The following DOCK4 variants were observed in gnomAD, a reference collection of about 807,000 sequenced individuals.
DOCK4 encodes the protein dedicator of cytokinesis 4, also known as dedicator of cytokinesis protein 4.
A neutral mutation model predicts 268.1 loss-of-function variants in DOCK4; 97 were observed. The observed-to-expected ratio is 0.36, with a 90% CI of 0.31 to 0.43. The LOEUF (loss-of-function observed/expected upper bound fraction) is 0.43, where lower values mean the gene tolerates loss of function less well. Among genes scored for constraint, DOCK4 ranks in the 20% least tolerant of loss-of-function variants. The probability of loss-of-function intolerance (pLI) is 1.00; values close to 1 mark genes in which losing one functional copy is unlikely to be tolerated. For synonymous variants in DOCK4, 954 were observed against 887.2 expected (o/e 1.08, Z -1.34); for missense variants, 2,145 against 2,455.7 (o/e 0.87, Z 2.67).
chr7:111,766,936 T>G lies in DOCK4; in HGVS notation c.3915+96A>C, dbSNP rs1013382092. Reference sequence around the variant, plus strand: ...CAGAGGATTTATCTTAAAAAGGGTTTCTGCAAGACCACAAAGTTAATTTCA... The same window carrying G: ...CAGAGGATTTATCTTAAAAAGGGTTGCTGCAAGACCACAAAGTTAATTTCA... On this transcript the variant is annotated intron_variant, in intron 38 of 52. Transcript: ENST00000428084. 5 of 913,436 alleles carry G rather than the reference T, an allele frequency of 5.5e-6. No individual in the cohort carries two copies. In the African/African-American group the frequency reaches 6.7e-5, roughly 12 times the overall value. 56.6% of individuals were successfully genotyped at this position (913,436 alleles called of 1,614,324 possible). A position where few individuals can be genotyped will look rare whatever the true frequency, so the allele number is the denominator to read the frequency against.
intron 1 of DOCK4, among the ~76,000 whole-genome samples, chr7:112,181,638 T>TAAAAAAAA (rs1819047377): frequency 7.6e-5 from 1 of 13,224 alleles, no homozygotes; most frequent in Non-Finnish European, 1.5e-4. Flanking sequence ...AGACACTGTC[T>TAAAAAAAA]CAAAAAAAAA....
intron 8 of DOCK4, among the ~76,000 whole-genome samples, chr7:111,960,892 G>A (rs959941740): frequency 6.6e-6 from 1 of 152,130 alleles, no homozygotes; most frequent in Non-Finnish European, 1.5e-5. Flanking sequence ...GTATTCCAAA[G>A]TGTATATATA....
chr7:112,040,186 C>G (rs1160684074), intron 1 of DOCK4, among the ~76,000 whole-genome samples: 1 of 152,112 alleles, frequency 6.6e-6, no homozygotes, highest in African/African-American at 2.4e-5. Context: ...GATTCTCAAG[C>G]AGTAGAGATT....
intron 36 of DOCK4, among the ~76,000 whole-genome samples, chr7:111,775,638 A>G (rs918769629): frequency 7.9e-5 from 12 of 152,222 alleles, no homozygotes; most frequent in African/African-American, 2.9e-4. Flanking sequence ...AAGCTCCAAG[A>G]AAAGTCCCTT....
chr7:112,106,963 GT>G (rs1463065891), intron 1 of DOCK4, among the ~76,000 whole-genome samples: 2 of 152,192 alleles, frequency 1.3e-5, no homozygotes, highest in Non-Finnish European at 2.9e-5. Flanking sequence ...AATTCATAAA[GT>G]AATTTTTTAA....
At chr7:111,895,979 G>C (rs1808715488) in intron 15 of DOCK4, among the ~76,000 whole-genome samples, 1 of 152,236 alleles carries the variant, frequency 6.6e-6, no homozygotes, top group Non-Finnish European at 1.5e-5. Flanking sequence ...AAAAATTTGT[G>C]GATTGCCTGT....
chr7:111,913,363 G>T (rs1792291703), intron 13 of DOCK4, among the ~76,000 whole-genome samples: 2 of 151,618 alleles, frequency 1.3e-5, no homozygotes, highest in Non-Finnish European at 2.9e-5. Flanking sequence ...TGAGCCCAGG[G>T]ATTAGAGACC....
intron 12 of DOCK4, among the ~76,000 whole-genome samples, chr7:111,924,982 CAA>C (rs112142019): frequency 0.26 from 39,055 of 151,766 alleles, 4,958 homozygotes; most frequent in East Asian, 0.35. Context: ...ACTTGTACTA[CAA>C]AAAATTACTA....
chr7:111,974,174 C>T (rs534218515), intron 8 of DOCK4, among the ~76,000 whole-genome samples: 10 of 152,222 alleles, frequency 6.6e-5, no homozygotes, highest in Non-Finnish European at 1.0e-4. Context: ...CATGCAGGGA[C>T]GGTGAACTGC....
chr7:112,104,347 A>G (rs1810951643), intron 1 of DOCK4, among the ~76,000 whole-genome samples: 1 of 152,180 alleles, frequency 6.6e-6, no homozygotes, highest in Non-Finnish European at 1.5e-5. Flanking sequence ...CATCACTGCA[A>G]TAGAATGCCT....
At chr7:112,082,873 T>TA (rs1382475828) in intron 1 of DOCK4, among the ~76,000 whole-genome samples, 1 of 152,126 alleles carries the variant, frequency 6.6e-6, no homozygotes, top group Non-Finnish European at 1.5e-5. Context: ...CCATATGACT[T>TA]AGCTAGAAAT....
intron 25 of DOCK4, among the ~76,000 whole-genome samples, chr7:111,837,118 C>T (rs1803298093): frequency 6.6e-6 from 1 of 151,432 alleles, no homozygotes; most frequent in African/African-American, 2.4e-5. Context: ...TAGAGAAAAT[C>T]TTAAAACACT....
chr7:111,877,821 T>C (rs1807038071), intron 16 of DOCK4, among the ~76,000 whole-genome samples: 1 of 152,220 alleles, frequency 6.6e-6, no homozygotes. Context: ...GGATTGTTGC[T>C]TAGTGCTAAA....
intron 8 of DOCK4, among the ~76,000 whole-genome samples, chr7:111,956,867 C>T (rs1257572890): frequency 1.3e-5 from 2 of 152,124 alleles, no homozygotes; most frequent in African/African-American, 4.8e-5. Flanking sequence ...GTTTCAGATA[C>T]ATTTTGCTTT....
At chr7:112,060,963 AATTTTACGTGT>A (rs1806333314) in intron 1 of DOCK4, among the ~76,000 whole-genome samples, 1 of 152,198 alleles carries the variant, frequency 6.6e-6, no homozygotes, top group African/African-American at 2.4e-5. Context: ...TCAGATGGTA[AATTTTACGTGT>A]ATTTTACCAC....
intron 25 of DOCK4, among the ~76,000 whole-genome samples, chr7:111,839,986 C>T (rs1803551952): frequency 1.3e-5 from 2 of 151,788 alleles, no homozygotes; most frequent in South Asian, 4.2e-4. Flanking sequence ...TATGAAAATC[C>T]TAGACTCATA....
chr7:112,012,945 C>A (rs942912433), intron 1 of DOCK4, among the ~76,000 whole-genome samples: 2 of 151,986 alleles, frequency 1.3e-5, no homozygotes, highest in Admixed American at 6.6e-5. Flanking sequence ...CACCTCGCAA[C>A]CGGAGGGACT....
intron 1 of DOCK4, among the ~76,000 whole-genome samples, chr7:112,060,136 A>G (rs537228795): frequency 3.3e-5 from 5 of 152,308 alleles, no homozygotes; most frequent in African/African-American, 9.6e-5. Context: ...AGCACCTTGA[A>G]GAGAAAAAGA....
At chr7:112,077,396 C>T (rs571214634) in intron 1 of DOCK4, among the ~76,000 whole-genome samples, 1 of 152,126 alleles carries the variant, frequency 6.6e-6, no homozygotes, top group African/African-American at 2.4e-5. Context: ...CAATTTAGAA[C>T]ATTTTTCATT....
Sources: allele counts gnomAD v4.1 joint callset (sites outside exome capture counted in the v4.1 genomes callset), GRCh38; gene constraint gnomAD v4.1.1; transcripts MANE v1.5; gene names NCBI Gene and HGNC (gene_info 2026-07-23, HGNC 2026-07-21).